ZNF608: variants seen among roughly 807,000 people sequenced by gnomAD.
ZNF608 encodes the protein zinc finger protein 608, also known as renal carcinoma antigen NY-REN-36.
A neutral mutation model predicts 109.0 loss-of-function variants in ZNF608; 12 were observed. The ratio of observed to expected loss-of-function variants is 0.11; its 90% CI spans 0.07 to 0.18. The LOEUF is 0.18. Ranked by LOEUF, ZNF608 falls within the 10% of genes least tolerant of loss-of-function variation. The pLI is 1.00. For synonymous variants in ZNF608, 732 were observed against 717.4 expected (o/e 1.02, Z -0.33); for missense variants, 1,707 against 1,879.3 (o/e 0.91, Z 1.70).
intron 2 of ZNF608, among the ~76,000 whole-genome samples, chr5:124,716,564 G>A (rs547519477): frequency 2.6e-4 from 40 of 152,294 alleles, no homozygotes; most frequent in Non-Finnish European, 4.7e-4. Context: ...AGGTCTAAAA[G>A]TACTGGATAT....
chr5:124,661,638 A>G (rs1751266568), intron 3 of ZNF608, among the ~76,000 whole-genome samples: 1 of 152,218 alleles, frequency 6.6e-6, no homozygotes, highest in Admixed American at 6.5e-5. Flanking sequence ...TTACTGGAGC[A>G]AAGTCGTCAT....
intron 3 of ZNF608, among the ~76,000 whole-genome samples, chr5:124,656,385 G>A (rs1266864276): frequency 6.6e-6 from 1 of 152,164 alleles, no homozygotes; most frequent in African/African-American, 2.4e-5. Flanking sequence ...TCTGTCAGCG[G>A]CTGGAATATG....
intron 3 of ZNF608, among the ~76,000 whole-genome samples, chr5:124,685,375 C>G (rs1486652870): frequency 6.6e-6 from 1 of 152,146 alleles, no homozygotes; most frequent in Non-Finnish European, 1.5e-5. Flanking sequence ...AGTTGTAGTG[C>G]CAGAATTCAC....
At chr5:124,659,917 G>A (rs975031197) in intron 3 of ZNF608, among the ~76,000 whole-genome samples, 11 of 152,104 alleles carry the variant, frequency 7.2e-5, no homozygotes, top group African/African-American at 2.4e-4. Flanking sequence ...AAGTCAGAGC[G>A]CTTATTTGCT....
At chr5:124,723,461 G>A (rs1754016714) in intron 2 of ZNF608, among the ~76,000 whole-genome samples, 1 of 152,170 alleles carries the variant, frequency 6.6e-6, no homozygotes, top group Admixed American at 6.5e-5. Context: ...GCCAAGGTGG[G>A]TGGATCACCT....
At chr5:124,663,518 T>C (rs1183661006) in intron 3 of ZNF608, among the ~76,000 whole-genome samples, 2 of 152,202 alleles carry the variant, frequency 1.3e-5, no homozygotes, top group Non-Finnish European at 2.9e-5. Flanking sequence ...ATTTCGGAAA[T>C]CAAATTTCTT....
chr5:124,644,527 A>G lies in ZNF608; in HGVS notation c.3840T>C (p.Gly1280=). The G allele has an allele frequency of 1.2e-6, 2 of 1,614,154 alleles. No homozygotes were observed. The highest frequency in any genetic ancestry group is 2.2e-5 in the East Asian group (1 of 44,876). The change falls in exon 6 of 10, where the codon GGT becomes GGC. Residue 1280 remains glycine (G), a synonymous_variant. Coordinates refer to ENST00000513986, the MANE Select transcript of ZNF608 (RefSeq NM_020747.3). ...SPRKTPNKES[G]VPSLPVSLTS... ...TTAACGATACAGGAAGGCTGGGCAC[A>G]CCACTCTCTTTATTAGGAGTTTTCC...
intron 3 of ZNF608, among the ~76,000 whole-genome samples, chr5:124,665,462 A>G (rs1386825968): frequency 6.6e-6 from 1 of 152,248 alleles, no homozygotes; most frequent in African/African-American, 2.4e-5. Flanking sequence ...GTCAAATATA[A>G]AAGTAAAAAC....
intron 2 of ZNF608, among the ~76,000 whole-genome samples, chr5:124,705,633 G>C (rs1183367701): frequency 2.0e-5 from 3 of 152,148 alleles, no homozygotes; most frequent in Non-Finnish European, 4.4e-5. Context: ...GCATGGTTAA[G>C]TGCAATTAAA....
rs745529803 is a variant in ZNF608 at position 124,676,694 on chromosome 5, G to A, written c.1162+24320C>T. On this transcript the variant is annotated intron_variant, in intron 3 of 9. Coordinates refer to ENST00000513986, the MANE Select transcript of ZNF608 (RefSeq NM_020747.3). ...AACTGGCCACAACCCAAAAGTCCAT[G>A]GGCACAAGAATGGATAAATAATAAT... is the stretch of plus-strand genomic sequence containing the variant. 9.2e-5 allele frequency among the ~76,000 whole-genome samples: 14 copies of A among 152,264 alleles called. No individual in the cohort carries two copies. The East Asian group carries it at 9.6e-4, about 10-fold the overall frequency.
intron 2 of ZNF608, among the ~76,000 whole-genome samples, chr5:124,742,273 C>T (rs1382170274): frequency 6.6e-6 from 1 of 152,160 alleles, no homozygotes; most frequent in South Asian, 2.1e-4. Context: ...TGAAATGTTC[C>T]GATTGCCAGC....
At position 124,648,253 on chromosome 5, in the gene ZNF608, A is replaced by C. The variant is rs1201838301; in HGVS notation, c.2131T>G (p.Leu711Val). Residue 711 changes from leucine to valine, a missense_variant, in exon 5 of 10, where the codon TTA becomes GTA. Around this residue, in one of 7 missense-constraint regions of ZNF608, gnomAD observed 1,073 missense variants for 1,133.5 expected, o/e 0.95. Transcript: ENST00000513986. ...TTTTTGCCCTTTTCTTTATCTCCTA[A>C]ATTTTTCTTGTCAATTAATCCTTCT... ...EAEGLIDKKN[L>V]GDKEKGKKAT... 6 of 1,614,030 alleles carry C rather than the reference A, an allele frequency of 3.7e-6. No homozygotes were observed. Among genetic ancestry groups the C allele is most frequent in the Non-Finnish European group, 5.1e-6 (6 of 1,180,028 alleles).
intron 3 of ZNF608, among the ~76,000 whole-genome samples, chr5:124,697,141 G>T (rs1428562104): frequency 6.6e-6 from 1 of 150,482 alleles, no homozygotes; most frequent in Non-Finnish European, 1.5e-5. Flanking sequence ...CGTCGTGAAT[G>T]ATAGAGTGGC....
chr5:124,707,038 A>G (rs1403728533), intron 2 of ZNF608, among the ~76,000 whole-genome samples: 1 of 152,168 alleles, frequency 6.6e-6, no homozygotes, highest in African/African-American at 2.4e-5. Flanking sequence ...AAACCCTGGC[A>G]ATATTTTCTC....
intron 2 of ZNF608, among the ~76,000 whole-genome samples, chr5:124,727,447 A>G (rs1460061873): frequency 1.3e-5 from 2 of 152,098 alleles, no homozygotes; most frequent in African/African-American, 4.8e-5. Context: ...TCTCAAATCA[A>G]TTTCATTGGG....
chr5:124,703,300 T>C (rs1263314080), intron 2 of ZNF608, among the ~76,000 whole-genome samples: 1 of 152,152 alleles, frequency 6.6e-6, no homozygotes, highest in Non-Finnish European at 1.5e-5. Context: ...AAATTAGAGA[T>C]GAGTCTTATA....
At position 124,724,609 on chromosome 5, in the gene ZNF608, C is replaced by T. The variant is rs1373806205; in HGVS notation, c.906+19475G>A. Reference sequence around the variant, plus strand: ...CATCAGCTATATTAATTCAACAGCACGTGTGTGTGTGTGTGTGTGTGTGTG... The same window carrying T: ...CATCAGCTATATTAATTCAACAGCATGTGTGTGTGTGTGTGTGTGTGTGTG... On this transcript the variant is annotated intron_variant, in intron 2 of 9. Coordinates refer to ENST00000513986, the MANE Select transcript of ZNF608 (RefSeq NM_020747.3). 8.2e-5 allele frequency among the ~76,000 whole-genome samples: 12 copies of T among 147,056 alleles called. No homozygotes were observed. In the East Asian group the frequency reaches 1.2e-3, roughly 15 times the overall value.
intron 3 of ZNF608, among the ~76,000 whole-genome samples, 186 bp from the exon 4 acceptor site, chr5:124,649,883 ATG>A (rs1460177510): frequency 6.6e-6 from 1 of 152,222 alleles, no homozygotes; most frequent in East Asian, 1.9e-4. Context: ...ACAGGAAATA[ATG>A]TGTGTTGTGC....
chr5:124,643,376 A>G, intron 7 of ZNF608, 135 bp downstream of exon 7: 1 of 775,082 alleles, frequency 1.3e-6, no homozygotes. Flanking sequence ...TCCATTCTTT[A>G]CGTATTAGGA....
Sources: allele counts gnomAD v4.1 joint callset (sites outside exome capture counted in the v4.1 genomes callset), GRCh38; gene constraint gnomAD v4.1.1; regional missense constraint gnomAD v4.1.1; transcripts MANE v1.5; gene names NCBI Gene and HGNC (gene_info 2026-07-23, HGNC 2026-07-21).